Variants in COL1A2 observed in about 807,000 individuals in gnomAD.
COL1A2 encodes collagen alpha-2(I) chain.
A neutral mutation model predicts 174.3 loss-of-function variants in COL1A2; 49 were observed. The ratio of observed to expected loss-of-function variants is 0.28; its 90% CI spans 0.22 to 0.36. COL1A2 has a LOEUF of 0.36. Among genes scored for constraint, COL1A2 ranks in the 10% least tolerant of loss-of-function variants. The pLI, the probability that COL1A2 is intolerant of heterozygous loss-of-function variation, is 1.00. For missense variants in COL1A2, 1,438 were observed against 1,822.7 expected, an observed-to-expected ratio of 0.79 and a Z score of 3.84; for synonymous variants, 655 against 606.6, an observed-to-expected ratio of 1.08 and a Z score of -1.17.
chr7:94,426,873 C>A (rs753955285), intron 46 of COL1A2, 135 bp from the exon 47 acceptor site: 4 of 784,378 alleles, frequency 5.1e-6, no homozygotes, highest in Non-Finnish European at 8.5e-6. Context: ...GAGAAAAGAG[C>A]CCCACTTTAC....
rs149971666 is a variant in COL1A2, at chr7:94,399,231, G to A, written c.132+147G>A. 1.4e-4 allele frequency: 95 copies of A among 685,766 alleles called. 1 individual carries two copies. The highest frequency in any genetic ancestry group is 2.6e-4 in the East Asian group (10 of 38,272). 42.5% of individuals were successfully genotyped at this position (685,766 alleles called of 1,614,324 possible). ...ACAGGTAATGCACTGCAGAAGAAGC[G>A]AATGAGCATTATTATATATGATCAA... On this transcript the variant is annotated intron_variant, in intron 4 of 51. Coordinates refer to ENST00000297268, the MANE Select transcript of COL1A2 (RefSeq NM_000089.4).
At chr7:94,408,496 G>A in intron 15 of COL1A2, 116 bp downstream of exon 15, 1 of 1,312,592 alleles carries the variant, frequency 7.6e-7, no homozygotes, top group Non-Finnish European at 1.1e-6. Flanking sequence ...AATGTTCTGT[G>A]AGGTCTTTTG....
intron 4 of COL1A2, among the ~76,000 whole-genome samples, chr7:94,399,363 T>C (rs1266366039): frequency 6.6e-6 from 1 of 152,212 alleles, no homozygotes; most frequent in Non-Finnish European, 1.5e-5. Context: ...AACACATGCA[T>C]AATGGAAATA....
At chr7:94,416,679 A>G (rs1402409838) in intron 31 of COL1A2, 176 bp downstream of exon 31, 22 of 605,734 alleles carry the variant, frequency 3.6e-5, no homozygotes, top group Middle Eastern at 4.3e-4. Context: ...TTCTAAACAA[A>G]CAAACAATAG....
chr7:94,430,492 T>A lies in COL1A2; in HGVS notation c.*99T>A, dbSNP rs1398124362. The A allele has an allele frequency of 7.9e-7, 1 of 1,268,678 alleles. No individual in the cohort carries two copies. Among genetic ancestry groups the A allele is most frequent in the African/African-American group, 1.5e-5 (1 of 67,726 alleles). 78.6% of individuals were successfully genotyped at this position (1,268,678 alleles called of 1,614,324 possible). A position where few individuals can be genotyped will look rare whatever the true frequency, so the allele number is the denominator to read the frequency against. The stretch of plus-strand genomic sequence containing the variant: ...TTAACTGAAAGCTGAATCCTTCCAT[T>A]TCTTCTGCACATCTACTTGCTTAAA... On this transcript the variant is annotated 3_prime_UTR_variant, in exon 52 of 52. Coordinates refer to ENST00000297268, the MANE Select transcript of COL1A2 (RefSeq NM_000089.4).
intron 30 of COL1A2, among the ~76,000 whole-genome samples, chr7:94,415,626 T>C (rs1792024399): frequency 6.6e-6 from 1 of 152,166 alleles, no homozygotes; most frequent in African/African-American, 2.4e-5. Flanking sequence ...TGTGTTGATG[T>C]TCAAAGCCTA....
At chr7:94,423,293 G>T in intron 40 of COL1A2, 175 bp downstream of exon 40, 1 of 703,344 alleles carries the variant, frequency 1.4e-6, no homozygotes, top group Non-Finnish European at 2.4e-6. Context: ...CTTCCAAGAT[G>T]CTCAGAAAGC....
Position 94,409,821 on chromosome 7 carries a change from T to C in COL1A2, c.1035T>C (p.Val345=). 6.2e-7 allele frequency: 1 copy of C among 1,614,064 alleles called. No individual in the cohort carries two copies. The highest frequency in any genetic ancestry group is 1.1e-5 in the South Asian group (1 of 91,072). Residue 345 remains valine (V), a splice_region_variant and synonymous_variant, in exon 19 of 52, where the codon GTT becomes GTC. Coordinates refer to ENST00000297268, the MANE Select transcript of COL1A2 (RefSeq NM_000089.4). ...GTGCTACTGGTGCCAGAGGACTTGT[T>C]GTAAGTGGTCATGACTGTGGTTCTC... ...AAGATGARGL[V]GEPGPAGSKG... is the part of the protein sequence containing the mutation.
intron 11 of COL1A2, 88 bp from the exon 12 acceptor site, chr7:94,406,162 G>T: frequency 7.3e-7 from 1 of 1,371,122 alleles, no homozygotes; most frequent in South Asian, 1.2e-5. Context: ...TTACCCAAGA[G>T]AGATTAATGG....
intron 41 of COL1A2, 64 bp downstream of exon 41, chr7:94,424,507 A>C: frequency 7.2e-7 from 1 of 1,384,948 alleles, no homozygotes; most frequent in South Asian, 1.2e-5. Flanking sequence ...CTGCCACTTC[A>C]AATGTGACAG....
intron 12 of COL1A2, among the ~76,000 whole-genome samples, chr7:94,407,341 C>CTCACTA (rs1791823768): frequency 1.9e-5 from 1 of 51,542 alleles, no homozygotes; most frequent in African/African-American, 1.0e-4. Context: ...AGTATTAAAT[C>CTCACTA]CCACTACTAC....
chr7:94,405,019 G>T, intron 9 of COL1A2, 127 bp downstream of exon 9: 1 of 1,173,868 alleles, frequency 8.5e-7, no homozygotes, highest in East Asian at 2.5e-5. Flanking sequence ...TTAATGTATG[G>T]GAAATATTAT....
intron 23 of COL1A2, 113 bp downstream of exon 23, chr7:94,411,267 T>C: frequency 3.5e-6 from 3 of 861,252 alleles, no homozygotes; most frequent in South Asian, 2.9e-5. Context: ...TTGTTAGTAG[T>C]CTTGCTGACA....
chr7:94,399,550 G>C (rs1791645691), intron 4 of COL1A2, among the ~76,000 whole-genome samples: 1 of 152,070 alleles, frequency 6.6e-6, no homozygotes. Context: ...AAATCTCCCT[G>C]CTATGCTTAT....
Position 94,427,003 on chromosome 7 carries a change from T to C in COL1A2, c.3106-5T>C, listed in dbSNP as rs374164023. Reference sequence around the variant, plus strand: ...AAGTGTGATTTTCCTCTTCTGTCTTTAAAGGGTCACCATGGTGATCAAGGT... The same window carrying C: ...AAGTGTGATTTTCCTCTTCTGTCTTCAAAGGGTCACCATGGTGATCAAGGT... On this transcript the variant is annotated splice_polypyrimidine_tract_variant and splice_region_variant and intron_variant, in intron 46 of 51. Coordinates refer to ENST00000297268, the MANE Select transcript of COL1A2 (RefSeq NM_000089.4). 9 of 1,613,598 alleles carry C rather than the reference T, an allele frequency of 5.6e-6. No individual in the cohort carries two copies. Among genetic ancestry groups the C allele is most frequent in the Non-Finnish European group, 7.6e-6 (9 of 1,179,756 alleles).
intron 6 of COL1A2, among the ~76,000 whole-genome samples, chr7:94,402,145 T>G (rs11770203): frequency 0.32 from 48,510 of 151,806 alleles, 8,713 homozygotes; most frequent in South Asian, 0.44. Context: ...ACTAATGACA[T>G]AACTAGAACT....
At chr7:94,420,856 G>A (rs1792145179) in intron 37 of COL1A2, 153 bp from the exon 38 acceptor site, 2 of 893,320 alleles carry the variant, frequency 2.2e-6, no homozygotes, top group Non-Finnish European at 3.7e-6. Context: ...AACCTCATAA[G>A]GGTGGTAATA....
chr7:94,430,186 A>G (rs1792368939), intron 51 of COL1A2, 61 bp from the exon 52 acceptor site: 23 of 1,514,918 alleles, frequency 1.5e-5, no homozygotes, highest in Non-Finnish European at 2.1e-5. Context: ...TCAAAGGTTC[A>G]GATATTATCA....
rs1268303061 is a variant in COL1A2, at chr7:94,401,637, A to G, written c.279+17A>G. 1 of 1,576,378 alleles carries G rather than the reference A, an allele frequency of 6.3e-7. No individual in the cohort carries two copies. The highest frequency in any genetic ancestry group is 1.4e-5 in the African/African-American group (1 of 73,866). On this transcript the variant is annotated intron_variant, in intron 6 of 51. Coordinates refer to ENST00000297268, the MANE Select transcript of COL1A2 (RefSeq NM_000089.4). ...GGACCAATGGTATGCTTATCTGTTT[A>G]TCTTAGCCAAAAAAATTGCTAAATA...
Sources: allele counts gnomAD v4.1 joint callset (sites outside exome capture counted in the v4.1 genomes callset), GRCh38; gene constraint gnomAD v4.1.1; transcripts MANE v1.5; gene names NCBI Gene and HGNC (gene_info 2026-07-23, HGNC 2026-07-21).